Variants in SDK1 observed in about 807,000 individuals in gnomAD.
The protein encoded by SDK1 is sidekick cell adhesion molecule 1, also known as protein sidekick-1.
SDK1 carries 157 observed loss-of-function variants against 245.5 expected under a neutral mutation model. The observed-to-expected ratio is 0.64, with a 90% confidence interval of 0.56 to 0.73. SDK1 has a LOEUF of 0.73. Ranked by LOEUF, SDK1 falls within the 30% of genes least tolerant of loss-of-function variation. The pLI, the probability that SDK1 is intolerant of heterozygous loss-of-function variation, is 0.00. For synonymous variants in SDK1, 1,647 were observed against 1,278.5 expected (o/e 1.29, Z -6.15); for missense variants, 3,583 against 3,002.3 (o/e 1.19, Z -4.52).
chr7:3,723,939 TATATAGAGAGAGAGAG>T (rs1274778074), intron 4 of SDK1, among the ~76,000 whole-genome samples: 1 of 116,722 alleles, frequency 8.6e-6, no homozygotes, highest in South Asian at 2.9e-4. Flanking sequence ...TATATATATA[TATATAGAGAGAGAGAG>T]AGAGAGAGAG....
intron 17 of SDK1, among the ~76,000 whole-genome samples, chr7:4,043,624 T>C (rs1788803223): frequency 6.6e-6 from 1 of 152,236 alleles, no homozygotes; most frequent in Non-Finnish European, 1.5e-5. Context: ...GCCTCCAGGA[T>C]GCAGGACCAG....
intron 1 of SDK1, among the ~76,000 whole-genome samples, chr7:3,488,423 CCTT>C (rs1781769793): frequency 1.3e-5 from 2 of 151,806 alleles, no homozygotes. Flanking sequence ...AAAACATTTC[CCTT>C]CTTTAGCTAT....
At chr7:3,539,041 T>G (rs75041765) in intron 1 of SDK1, among the ~76,000 whole-genome samples, 3,560 of 151,982 alleles carry the variant, frequency 0.023, 153 homozygotes, top group African/African-American at 0.081. Context: ...AGTGTCTGGT[T>G]GTTGTTTGTT....
chr7:3,905,938 C>G (rs1422697273), intron 5 of SDK1, among the ~76,000 whole-genome samples: 1 of 152,156 alleles, frequency 6.6e-6, no homozygotes, highest in Non-Finnish European at 1.5e-5. Flanking sequence ...TTTCAAAATT[C>G]TTAGCCTTAT....
chr7:4,126,265 A>G (rs1784385074), intron 25 of SDK1, among the ~76,000 whole-genome samples: 1 of 152,260 alleles, frequency 6.6e-6, no homozygotes, highest in African/African-American at 2.4e-5. Flanking sequence ...GGTCCACAAG[A>G]AAATTAACAA....
intron 4 of SDK1, among the ~76,000 whole-genome samples, chr7:3,816,020 A>G (rs1583443511): frequency 7.0e-6 from 1 of 143,740 alleles, no homozygotes; most frequent in South Asian, 2.3e-4. Context: ...AAATGAAGGC[A>G]GAAATAAAGA....
intron 5 of SDK1, among the ~76,000 whole-genome samples, chr7:3,904,626 C>A (rs1781899730): frequency 6.6e-6 from 1 of 152,100 alleles, no homozygotes; most frequent in Non-Finnish European, 1.5e-5. Flanking sequence ...CCCGGAAGAT[C>A]AAGGCTGCAG....
intron 4 of SDK1, among the ~76,000 whole-genome samples, chr7:3,790,725 G>C (rs1202686579): frequency 1.3e-5 from 2 of 152,142 alleles, no homozygotes; most frequent in East Asian, 3.9e-4. Flanking sequence ...AGAATTGCTT[G>C]AACCCGGGAG....
intron 4 of SDK1, among the ~76,000 whole-genome samples, chr7:3,709,884 TG>T (rs1325852172): frequency 1.3e-5 from 2 of 152,238 alleles, no homozygotes; most frequent in Admixed American, 6.5e-5. Context: ...ACAGGGGTCC[TG>T]GCCCCAGCTG....
rs189821564 is a variant in SDK1, at chr7:4,043,647, G to C, written c.2603-5701G>C. On this transcript the variant is annotated intron_variant, in intron 17 of 44. Coordinates refer to ENST00000404826, the MANE Select transcript of SDK1 (RefSeq NM_152744.4). ...GATGCAGGACCAGAACTTGACGTGAGGATTGTGCTGCAGCCACGCAAAGGT... is the reference window on the plus strand; with the variant it reads ...GATGCAGGACCAGAACTTGACGTGACGATTGTGCTGCAGCCACGCAAAGGT... Among the ~76,000 whole-genome samples, 4 of 152,350 alleles carry C rather than the reference G, an allele frequency of 2.6e-5. No individual in the cohort carries two copies. The East Asian group carries it at 7.7e-4, about 29-fold the overall frequency.
intron 1 of SDK1, among the ~76,000 whole-genome samples, chr7:3,557,467 A>C (rs1037518451): frequency 3.3e-5 from 5 of 152,234 alleles, no homozygotes; most frequent in Non-Finnish European, 5.9e-5. Flanking sequence ...GAGCAAGACC[A>C]GGGGTCCTGA....
chr7:4,047,440 A>G (rs1027897170), intron 17 of SDK1, among the ~76,000 whole-genome samples: 3 of 152,092 alleles, frequency 2.0e-5, no homozygotes, highest in African/African-American at 7.2e-5. Flanking sequence ...CATGATGGAT[A>G]TTGGTCTATA....
intron 29 of SDK1, among the ~76,000 whole-genome samples, chr7:4,148,171 AC>A (rs1030365178): frequency 6.6e-6 from 1 of 152,204 alleles, no homozygotes; most frequent in African/African-American, 2.4e-5. Context: ...AGGTGAAATC[AC>A]AAGGGCCAGA....
At chr7:4,066,423 C>T (rs1429224644) in intron 19 of SDK1, among the ~76,000 whole-genome samples, 1 of 152,228 alleles carries the variant, frequency 6.6e-6, no homozygotes, top group Admixed American at 6.5e-5. Context: ...CACTGTCTCT[C>T]TTCCCCTCAT....
At chr7:3,667,318 C>T (rs1048905206) in intron 4 of SDK1, among the ~76,000 whole-genome samples, 35 of 152,064 alleles carry the variant, frequency 2.3e-4, no homozygotes, top group African/African-American at 8.0e-4. Context: ...AATGGTAACA[C>T]CATTTATTTT....
chr7:3,440,466 CAGTT>C (rs3044746), intron 1 of SDK1, among the ~76,000 whole-genome samples: 36,118 of 151,826 alleles, frequency 0.24, 4,629 homozygotes, highest in Middle Eastern at 0.34. Context: ...CCATTAGACT[CAGTT>C]AGCCCCTCAG....
chr7:3,915,028 T>G (rs1359420872), intron 5 of SDK1, among the ~76,000 whole-genome samples: 6 of 152,194 alleles, frequency 3.9e-5, no homozygotes, highest in Non-Finnish European at 8.8e-5. Flanking sequence ...GTAAGGCACA[T>G]TTCTCCCGGA....
chr7:4,258,151 A>G (rs1267918404), intron 44 of SDK1, among the ~76,000 whole-genome samples: 1 of 152,182 alleles, frequency 6.6e-6, no homozygotes, highest in Non-Finnish European at 1.5e-5. Context: ...CAACATATAT[A>G]CAAGCCGTGA....
At chr7:3,837,375 C>T (rs1780051411) in intron 5 of SDK1, among the ~76,000 whole-genome samples, 1 of 152,130 alleles carries the variant, frequency 6.6e-6, no homozygotes, top group Non-Finnish European at 1.5e-5. Flanking sequence ...ATGCTAGGAC[C>T]CCTTTCCCCA....
Sources: gnomAD v4.1 joint callset for allele counts (sites outside exome capture counted in the v4.1 genomes callset) on GRCh38, gnomAD v4.1.1 for gene constraint, MANE v1.5 for transcripts, NCBI Gene and HGNC (gene_info 2026-07-23, HGNC 2026-07-21) for gene names.